COPS4: variants seen among roughly 807,000 people sequenced by gnomAD.
COPS4 encodes the protein COP9 signalosome complex subunit 4.
COPS4 carries 8 observed loss-of-function variants against 55.1 expected under a neutral mutation model. That is an observed-to-expected ratio of 0.15 (90% CI 0.09 to 0.26). COPS4 has a LOEUF of 0.26. Ranked by LOEUF, COPS4 falls within the 10% of genes least tolerant of loss-of-function variation. The probability of loss-of-function intolerance (pLI) is 1.00; values close to 1 mark genes in which losing one functional copy is unlikely to be tolerated. For missense variants in COPS4, 248 were observed against 484.0 expected, an observed-to-expected ratio of 0.51 and a Z score of 4.58; for synonymous variants, 185 against 165.7, an observed-to-expected ratio of 1.12 and a Z score of -0.90.
chr4:83,048,625 AG>A (rs1730780858), intron 2 of COPS4, among the ~76,000 whole-genome samples: 1 of 151,732 alleles, frequency 6.6e-6, no homozygotes, highest in South Asian at 2.1e-4. Flanking sequence ...CTGTTTTTTA[AG>A]ATTTTTTAAT....
intron 6 of COPS4, among the ~76,000 whole-genome samples, chr4:83,062,027 G>T (rs554617004): frequency 1.3e-5 from 2 of 152,284 alleles, no homozygotes; most frequent in Admixed American, 6.5e-5. Context: ...GCTTCTGGGT[G>T]TCATTGTGTT....
chr4:83,037,283 G>A (rs1464299646), intron 1 of COPS4, among the ~76,000 whole-genome samples: 1 of 152,152 alleles, frequency 6.6e-6, no homozygotes, highest in Non-Finnish European at 1.5e-5. Context: ...ACTGGTCAAA[G>A]TAAATCAGAA....
chr4:83,055,064 C>T (rs2868736), intron 4 of COPS4, among the ~76,000 whole-genome samples: 14 of 152,240 alleles, frequency 9.2e-5, no homozygotes, highest in African/African-American at 3.1e-4. Flanking sequence ...CTCCCATTCT[C>T]CTTTGCCCCC....
chr4:83,073,250 G>A (rs779552264), intron 9 of COPS4: 8 of 694,424 alleles, frequency 1.2e-5, no homozygotes, highest in Non-Finnish European at 1.6e-5. Flanking sequence ...GATTTACCTA[G>A]TCTGGATAGT....
At chr4:83,061,041 AAAAT>A (rs971536367) in intron 6 of COPS4, among the ~76,000 whole-genome samples, 11 of 151,926 alleles carry the variant, frequency 7.2e-5, no homozygotes, top group Non-Finnish European at 1.0e-4. Context: ...TCTCAAAAAA[AAAAT>A]AATAATAATA....
chr4:83,053,735 G>C (rs1348073726), intron 4 of COPS4, among the ~76,000 whole-genome samples: 1 of 150,472 alleles, frequency 6.6e-6, no homozygotes. Context: ...AGCTACTGGG[G>C]AGGCTGAAGC....
At chr4:83,062,994 G>A in intron 6 of COPS4, 82 bp from the exon 7 acceptor site, 1 of 1,201,218 alleles carries the variant, frequency 8.3e-7, no homozygotes, top group Non-Finnish European at 1.2e-6. Flanking sequence ...ACAAAAATGA[G>A]GTCATAAGAT....
intron 4 of COPS4, among the ~76,000 whole-genome samples, chr4:83,054,297 A>G (rs1382007818): frequency 6.6e-6 from 1 of 151,826 alleles, no homozygotes; most frequent in African/African-American, 2.4e-5. Context: ...AGCCAAGATC[A>G]CACCACTGCA....
intron 9 of COPS4, among the ~76,000 whole-genome samples, chr4:83,072,622 G>A (rs1430910835): frequency 6.6e-6 from 1 of 151,770 alleles, no homozygotes; most frequent in Non-Finnish European, 1.5e-5. Flanking sequence ...GTTCATTTTT[G>A]TGGATAATTT....
At chr4:83,042,435 G>C (rs1217026655) in intron 1 of COPS4, among the ~76,000 whole-genome samples, 20 of 151,892 alleles carry the variant, frequency 1.3e-4, no homozygotes, top group Admixed American at 1.3e-3. Flanking sequence ...TCTGTTGTTA[G>C]ATACTAGAAT....
intron 4 of COPS4, among the ~76,000 whole-genome samples, 189 bp downstream of exon 4, chr4:83,050,173 T>A (rs1332765433): frequency 6.6e-6 from 1 of 152,142 alleles, no homozygotes; most frequent in Non-Finnish European, 1.5e-5. Flanking sequence ...GTATGTATAT[T>A]TAAATAGGGT....
chr4:83,075,484 G>A lies in COPS4; in HGVS notation c.*54G>A, dbSNP rs1287659624. The A allele has an allele frequency of 1.0e-5, 16 of 1,597,786 alleles. No homozygotes were observed. The highest frequency in any genetic ancestry group is 5.1e-5 in the Admixed American group (3 of 58,318). Reference sequence around the variant, plus strand: ...ATCTTTTTCCATGTTGTGCAGATCAGTTTCACTATCTCCAAAGCATTTGCA... The same window carrying A: ...ATCTTTTTCCATGTTGTGCAGATCAATTTCACTATCTCCAAAGCATTTGCA... On this transcript the variant is annotated 3_prime_UTR_variant, in exon 10 of 10. Coordinates refer to ENST00000264389, the MANE Select transcript of COPS4 (RefSeq NM_016129.3).
chr4:83,039,668 G>A (rs1398567337), intron 1 of COPS4, among the ~76,000 whole-genome samples: 1 of 152,154 alleles, frequency 6.6e-6, no homozygotes, highest in East Asian at 1.9e-4. Context: ...GTCTTGCTCT[G>A]TTGCCCTGGC....
intron 7 of COPS4, among the ~76,000 whole-genome samples, chr4:83,064,608 T>TG (rs1342400111): frequency 6.6e-6 from 1 of 152,162 alleles, no homozygotes; most frequent in African/African-American, 2.4e-5. Flanking sequence ...TTCTTTTTTT[T>TG]TTGTTAGTTA....
intron 1 of COPS4, 69 bp from the exon 2 acceptor site, chr4:83,045,557 T>TA (rs1730686016): frequency 1.7e-6 from 2 of 1,207,544 alleles, no homozygotes; most frequent in African/African-American, 1.5e-5. Flanking sequence ...AATGAATAAA[T>TA]ACACATCAAA....
chr4:83,041,990 G>A (rs1421975282), intron 1 of COPS4, among the ~76,000 whole-genome samples: 3 of 150,588 alleles, frequency 2.0e-5, no homozygotes, highest in African/African-American at 7.3e-5. Flanking sequence ...TCAGCCTCCC[G>A]AGTAGCTGAG....
chr4:83,035,968 C>T (rs1730405954), intron 1 of COPS4: 1 of 152,428 alleles, frequency 6.6e-6, no homozygotes, highest in Non-Finnish European at 1.5e-5. Context: ...TGCTTAGGTT[C>T]ACTCCAAGTT....
chr4:83,057,623 TAAG>T (rs1731048153), intron 6 of COPS4, among the ~76,000 whole-genome samples: 1 of 151,986 alleles, frequency 6.6e-6, no homozygotes, highest in African/African-American at 2.4e-5. Flanking sequence ...GCATATGTGG[TAAG>T]AATAGTTAAA....
chr4:83,056,671 C>T (rs1413425164), intron 4 of COPS4, among the ~76,000 whole-genome samples: 4 of 152,076 alleles, frequency 2.6e-5, no homozygotes, highest in East Asian at 1.9e-4. Context: ...TGGTGGCTGC[C>T]GCCTGTAGTC....
Sources: allele counts gnomAD v4.1 joint callset (sites outside exome capture counted in the v4.1 genomes callset), GRCh38; gene constraint gnomAD v4.1.1; transcripts MANE v1.5; gene names NCBI Gene and HGNC (gene_info 2026-07-23, HGNC 2026-07-21).